CFH: variants seen among roughly 807,000 people sequenced by gnomAD.
CFH encodes the protein complement factor H, also known as H factor 1 (complement).
A neutral mutation model predicts 147.3 loss-of-function variants in CFH; 53 were observed. That is an observed-to-expected ratio of 0.36 (90% CI 0.29 to 0.45). CFH has a LOEUF of 0.45. Ranked by LOEUF, CFH falls within the 20% of genes least tolerant of loss-of-function variation. The pLI, the probability that CFH is intolerant of heterozygous loss-of-function variation, is 1.00. For missense variants in CFH, 1,380 were observed against 1,498.0 expected (o/e 0.92, Z 1.30); for synonymous variants, 536 against 489.4 (o/e 1.10, Z -1.26).
At chr1:196,730,332 G>A (rs1373053490) in intron 15 of CFH, among the ~76,000 whole-genome samples, 1 of 150,994 alleles carries the variant, frequency 6.6e-6, no homozygotes, top group Admixed American at 6.6e-5. Context: ...AAAATGGTTT[G>A]ACCCTATGAT....
intron 12 of CFH, 108 bp downstream of exon 12, chr1:196,725,405 A>T (rs1221781006): frequency 1.9e-6 from 2 of 1,069,348 alleles, no homozygotes; most frequent in Non-Finnish European, 2.9e-6. Context: ...TAATGAATTA[A>T]GTCAAATATT....
chr1:196,684,419 T>C (rs1169256158), intron 6 of CFH, among the ~76,000 whole-genome samples: 1 of 152,012 alleles, frequency 6.6e-6, no homozygotes, highest in Non-Finnish European at 1.5e-5. Context: ...AAGTTTATTT[T>C]CATTCATGTT....
intron 9 of CFH, among the ~76,000 whole-genome samples, chr1:196,711,266 G>A (rs1210258855): frequency 3.3e-5 from 5 of 152,014 alleles, no homozygotes; most frequent in Non-Finnish European, 7.4e-5. Context: ...AGAGGCTAAG[G>A]TTATTGAAGT....
At chr1:196,725,407 T>A in intron 12 of CFH, 110 bp downstream of exon 12, 1 of 1,047,890 alleles carries the variant, frequency 9.5e-7, no homozygotes, top group Non-Finnish European at 1.5e-6. Context: ...ATGAATTAAG[T>A]CAAATATTTG....
chr1:196,697,279 A>T (rs1466506434), intron 9 of CFH, among the ~76,000 whole-genome samples: 2 of 152,210 alleles, frequency 1.3e-5, no homozygotes, highest in African/African-American at 4.8e-5. Flanking sequence ...TAATATCCAG[A>T]ATCTACAATG....
chr1:196,657,100 T>C (rs1270579403), intron 1 of CFH, among the ~76,000 whole-genome samples: 1 of 152,144 alleles, frequency 6.6e-6, no homozygotes, highest in African/African-American at 2.4e-5. Context: ...CAAGCAATCC[T>C]CCTGCCTCAG....
At chr1:196,672,842 A>AGG (rs1465373406) in intron 1 of CFH, 136 bp from the exon 2 acceptor site, 1 of 651,168 alleles carries the variant, frequency 1.5e-6, no homozygotes, top group African/African-American at 1.9e-5. Flanking sequence ...ATATGGGGTT[A>AGG]GGAGAGAGAG....
At chr1:196,691,998 C>G (rs1392256966) in intron 9 of CFH, among the ~76,000 whole-genome samples, 4 of 151,902 alleles carry the variant, frequency 2.6e-5, no homozygotes, top group African/African-American at 9.7e-5. Flanking sequence ...CTTTCTCAAA[C>G]AGTATATTTT....
intron 9 of CFH, among the ~76,000 whole-genome samples, chr1:196,700,108 A>T (rs1422858970): frequency 6.6e-6 from 1 of 152,208 alleles, no homozygotes; most frequent in African/African-American, 2.4e-5. Flanking sequence ...CTTAGGGAAG[A>T]ATGTACTTTC....
intron 1 of CFH, among the ~76,000 whole-genome samples, chr1:196,664,842 T>C (rs1667027317): frequency 6.6e-6 from 1 of 152,124 alleles, no homozygotes; most frequent in African/African-American, 2.4e-5. Flanking sequence ...ACAAAATCTT[T>C]AATTATTATT....
chr1:196,743,949 T>A (rs1256622847), intron 20 of CFH, among the ~76,000 whole-genome samples: 1 of 152,114 alleles, frequency 6.6e-6, no homozygotes, highest in Non-Finnish European at 1.5e-5. Flanking sequence ...ATGTGCATTC[T>A]AAGATATGGA....
At chr1:196,706,247 T>C (rs1573047086) in intron 9 of CFH, among the ~76,000 whole-genome samples, 1 of 152,250 alleles carries the variant, frequency 6.6e-6, no homozygotes, top group East Asian at 1.9e-4. Flanking sequence ...TGGGGCCGTT[T>C]GGAAAGAAAG....
At chr1:196,697,577 C>A (rs1313039622) in intron 9 of CFH, among the ~76,000 whole-genome samples, 7 of 152,136 alleles carry the variant, frequency 4.6e-5, no homozygotes, top group Admixed American at 3.9e-4. Context: ...ACTAGTTCAA[C>A]CATTGTGGAA....
rs542815727 is a variant in CFH at position 196,705,097 on chromosome 1, G to A, written c.1337-8638G>A. On this transcript the variant is annotated intron_variant, in intron 9 of 21. Transcript: ENST00000367429. ...GGGGAAATACATGCTAAGGAGTTTT[G>A]GGACCTCCAATTGAAAAATGAGACT... Among the ~76,000 whole-genome samples, 4 of 152,248 alleles carry A rather than the reference G, an allele frequency of 2.6e-5. No homozygotes were observed. In the East Asian group the frequency reaches 7.7e-4, roughly 29 times the overall value.
rs551394238 is a variant in CFH at position 196,656,320 on chromosome 1, AAAAG to A, written c.58+4165_58+4168del. Among the ~76,000 whole-genome samples the A allele has an allele frequency of 9.7e-3, 1,463 of 151,174 alleles. 11 individuals are homozygous for A. Among genetic ancestry groups the A allele is most frequent in the Non-Finnish European group, 0.015 (1,046 of 67,804 alleles). ...TTCCATCTCAAAAAGAAAAAAAAAA[AAAAG>A]AAAGAAAGAAAGAAAGAAAAGGAAA... On this transcript the variant is annotated intron_variant, in intron 1 of 21. Coordinates refer to ENST00000367429, the MANE Select transcript of CFH (RefSeq NM_000186.4).
chr1:196,676,148 C>A, intron 4 of CFH, 83 bp downstream of exon 4: 1 of 801,236 alleles, frequency 1.2e-6, no homozygotes, highest in Non-Finnish European at 2.0e-6. Context: ...ATCTTAAAGT[C>A]TCTATTAAAT....
chr1:196,660,251 A>G (rs1666854948), intron 1 of CFH, among the ~76,000 whole-genome samples: 1 of 152,240 alleles, frequency 6.6e-6, no homozygotes, highest in African/African-American at 2.4e-5. Context: ...AATAAGTTTG[A>G]AATGCTCAAC....
chr1:196,741,171 T>C (rs1381668874), intron 18 of CFH: 1 of 262,522 alleles, frequency 3.8e-6, no homozygotes, highest in African/African-American at 2.2e-5. Flanking sequence ...TATTTCACAT[T>C]TGATAGAAGC....
intron 6 of CFH, among the ~76,000 whole-genome samples, chr1:196,681,767 T>C (rs1052191968): frequency 6.6e-6 from 1 of 151,816 alleles, no homozygotes; most frequent in Admixed American, 6.6e-5. Flanking sequence ...AAATATACTT[T>C]ACGCTGATTA....
Sources: gnomAD v4.1 joint callset for allele counts (sites outside exome capture counted in the v4.1 genomes callset) on GRCh38, gnomAD v4.1.1 for gene constraint, MANE v1.5 for transcripts, NCBI Gene and HGNC (gene_info 2026-07-23, HGNC 2026-07-21) for gene names.